The following LGSN variants were observed in gnomAD, a reference collection of about 807,000 sequenced individuals.
The protein encoded by LGSN is lengsin, lens protein with glutamine synthetase domain.
LGSN carries 21 observed loss-of-function variants against 19.5 expected under a neutral mutation model. The ratio of observed to expected loss-of-function variants is 1.07; its 90% CI spans 0.76 to 1.55. The LOEUF is 1.55. LGSN is among the 40% of genes most tolerant of loss of function. The pLI is 0.00. For synonymous variants in LGSN, 257 were observed against 215.6 expected (o/e 1.19, Z -1.68); for missense variants, 673 against 608.5 (o/e 1.11, Z -1.12).
the LGSN span, among the ~76,000 whole-genome samples, chr6:63,379,510 G>C: frequency 2.6e-5 from 4 of 152,106 alleles, no homozygotes; most frequent in Non-Finnish European, 5.9e-5. Flanking sequence ...AGTTGATGTT[G>C]TTTCTTTCCT....
At chr6:63,437,885 A>T in the LGSN span, among the ~76,000 whole-genome samples, 1 of 152,276 alleles carries the variant, frequency 6.6e-6, no homozygotes, top group Admixed American at 6.5e-5. Flanking sequence ...AGTCGAGATC[A>T]CGCCACTGCA....
chr6:63,392,771 A>G, the LGSN span, among the ~76,000 whole-genome samples: 1 of 151,996 alleles, frequency 6.6e-6, no homozygotes, highest in Non-Finnish European at 1.5e-5. Context: ...ATGAAAAGCA[A>G]CCCCAAATTA....
the LGSN span, among the ~76,000 whole-genome samples, chr6:63,507,447 T>C: frequency 6.6e-6 from 1 of 152,174 alleles, no homozygotes; most frequent in Non-Finnish European, 1.5e-5. Flanking sequence ...GTTTCATTTA[T>C]ATCATAAGTC....
chr6:63,454,558 C>T, the LGSN span, among the ~76,000 whole-genome samples: 7 of 150,016 alleles, frequency 4.7e-5, no homozygotes, highest in East Asian at 2.0e-4. Flanking sequence ...CTGCAACCTC[C>T]GCCTCCCGGG....
chr6:63,528,097 T>G, the LGSN span: 1 of 152,192 alleles, frequency 6.6e-6, no homozygotes, highest in East Asian at 1.9e-4. Context: ...AAGTGTGACT[T>G]CCTCACTTCC....
the LGSN span, among the ~76,000 whole-genome samples, chr6:63,408,377 A>G: frequency 6.8e-6 from 1 of 147,914 alleles, no homozygotes; most frequent in African/African-American, 2.6e-5. Flanking sequence ...ATAACGCCAC[A>G]TATCTACAAC....
chr6:63,307,820 G>A (rs1428954657), intron 1 of LGSN, among the ~76,000 whole-genome samples: 1 of 152,104 alleles, frequency 6.6e-6, no homozygotes, highest in Non-Finnish European at 1.5e-5. Context: ...ATTGGGTCAG[G>A]CACTATTCCC....
chr6:63,472,657 C>T, the LGSN span, among the ~76,000 whole-genome samples: 3,207 of 152,156 alleles, frequency 0.021, 131 homozygotes, highest in African/African-American at 0.073. Context: ...ATGCCCAATT[C>T]GGGCCGGGCG....
At chr6:63,476,725 G>A in the LGSN span, among the ~76,000 whole-genome samples, 1 of 152,208 alleles carries the variant, frequency 6.6e-6, no homozygotes, top group South Asian at 2.1e-4. Flanking sequence ...CCAAGAATAA[G>A]CTGCAAGGAG....
intron 3 of LGSN, 58 bp from the exon 4 acceptor site, chr6:63,281,278 G>A: frequency 7.9e-7 from 1 of 1,266,070 alleles, no homozygotes; most frequent in Non-Finnish European, 1.0e-6. Context: ...AGGGTCGGGG[G>A]GCGGCGGGAA....
the LGSN span, among the ~76,000 whole-genome samples, chr6:63,564,176 T>C: frequency 6.6e-6 from 1 of 151,270 alleles, no homozygotes; most frequent in Non-Finnish European, 1.5e-5. Flanking sequence ...CTTGGGAGGC[T>C]GAGGCAGGAG....
At chr6:63,544,848 G>C in the LGSN span, among the ~76,000 whole-genome samples, 2 of 152,084 alleles carry the variant, frequency 1.3e-5, no homozygotes, top group African/African-American at 4.8e-5. Context: ...ATTAACTTTG[G>C]TCACTTGGTC....
chr6:63,398,636 T>A, the LGSN span, among the ~76,000 whole-genome samples: 15 of 152,160 alleles, frequency 9.9e-5, no homozygotes, highest in African/African-American at 3.6e-4. Flanking sequence ...AAGGTTAATT[T>A]ATTATTAAAG....
intron 3 of LGSN, among the ~76,000 whole-genome samples, chr6:63,283,612 A>G (rs990801328): frequency 7.3e-6 from 1 of 136,580 alleles, no homozygotes; most frequent in Non-Finnish European, 1.6e-5. Context: ...CTTTGCACAA[A>G]TGAATCTTTT....
chr6:63,480,822 GAA>G, the LGSN span, among the ~76,000 whole-genome samples: 6 of 127,544 alleles, frequency 4.7e-5, no homozygotes, highest in South Asian at 9.6e-4. Flanking sequence ...GTCATTATAT[GAA>G]AAAAAAAAAA....
the LGSN span, among the ~76,000 whole-genome samples, chr6:63,360,763 G>T: frequency 3.9e-5 from 6 of 152,234 alleles, no homozygotes; most frequent in South Asian, 1.2e-3. Context: ...TTTCTGCTCT[G>T]TTTTTTTCCC....
chr6:63,497,724 C>T, the LGSN span, among the ~76,000 whole-genome samples: 1 of 144,982 alleles, frequency 6.9e-6, no homozygotes, highest in East Asian at 2.0e-4. Context: ...GAAAACTGAC[C>T]TGGGGAGAGT....
At chr6:63,289,524 TC>T (rs1767684068) in intron 2 of LGSN, among the ~76,000 whole-genome samples, 1 of 152,208 alleles carries the variant, frequency 6.6e-6, no homozygotes, top group South Asian at 2.1e-4. Context: ...TAGGAGATTT[TC>T]TTCTTTTCTA....
intron 3 of LGSN, among the ~76,000 whole-genome samples, chr6:63,282,151 A>T (rs1000929683): frequency 1.3e-5 from 2 of 152,214 alleles, no homozygotes; most frequent in African/African-American, 2.4e-5. Flanking sequence ...GGAAGTGATA[A>T]GGTTATTAAG....
Sources: allele counts gnomAD v4.1 joint callset (sites outside exome capture counted in the v4.1 genomes callset), GRCh38; gene constraint gnomAD v4.1.1; transcripts MANE v1.5; gene names NCBI Gene and HGNC (gene_info 2026-07-23, HGNC 2026-07-21).